The following GATAD2A variants were observed in gnomAD, a reference collection of about 807,000 sequenced individuals.
GATAD2A encodes GATA zinc finger domain containing 2A, also known as transcriptional repressor p66-alpha.
GATAD2A carries 12 observed loss-of-function variants against 68.5 expected under a neutral mutation model. The ratio of observed to expected loss-of-function variants is 0.18; its 90% CI spans 0.11 to 0.28. The LOEUF is 0.28. Ranked by LOEUF, GATAD2A falls within the 10% of genes least tolerant of loss-of-function variation. The probability of loss-of-function intolerance (pLI) is 1.00; values close to 1 mark genes in which losing one functional copy is unlikely to be tolerated. For missense variants in GATAD2A, 755 were observed against 868.5 expected, an observed-to-expected ratio of 0.87 and a Z score of 1.64; for synonymous variants, 410 against 375.3, an observed-to-expected ratio of 1.09 and a Z score of -1.07.
At chr19:19,402,998 C>T (rs756854753), upstream of GATAD2A, among the ~76,000 whole-genome samples, 2 of 151,944 alleles carry the variant, frequency 1.3e-5, no homozygotes, top group Non-Finnish European at 2.9e-5. Context: ...GTCTGGAACT[C>T]CTGACCTCAG....
intron 1 of GATAD2A, among the ~76,000 whole-genome samples, chr19:19,438,900 G>A (rs1481235302): frequency 6.6e-6 from 1 of 152,276 alleles, no homozygotes; most frequent in African/African-American, 2.4e-5. Context: ...TGTTGTGGGT[G>A]TGTAAGACAG....
At chr19:19,490,228 G>T (rs2059697902) in intron 2 of GATAD2A, among the ~76,000 whole-genome samples, 1 of 152,148 alleles carries the variant, frequency 6.6e-6, no homozygotes, top group Non-Finnish European at 1.5e-5. Context: ...CCACCACGTA[G>T]CTGTGGTGGG....
intron 2 of GATAD2A, among the ~76,000 whole-genome samples, chr19:19,491,932 T>G (rs1267817428): frequency 6.6e-6 from 1 of 152,158 alleles, no homozygotes; most frequent in African/African-American, 2.4e-5. Context: ...TGGCTAACAC[T>G]GAGCAGGGCC....
intron 1 of GATAD2A, among the ~76,000 whole-genome samples, chr19:19,454,893 G>A (rs2056785515): frequency 6.6e-6 from 1 of 152,218 alleles, no homozygotes; most frequent in Non-Finnish European, 1.5e-5. Flanking sequence ...GTGTGGTTTT[G>A]TTCAGGAGAA....
At chr19:19,403,383 A>G (rs1482999153), upstream of GATAD2A, among the ~76,000 whole-genome samples, 1 of 152,116 alleles carries the variant, frequency 6.6e-6, no homozygotes, top group Non-Finnish European at 1.5e-5. Flanking sequence ...CCTATGACAG[A>G]CAGAAATAAA....
chr19:19,494,209 G>C, intron 4 of GATAD2A, 85 bp from the exon 5 acceptor site: 1 of 694,744 alleles, frequency 1.4e-6, no homozygotes, highest in Admixed American at 2.4e-5. Flanking sequence ...AGTCCTCTTC[G>C]GCAGCATTAA....
chr19:19,502,157 C>G, intron 10 of GATAD2A, 114 bp downstream of exon 10: 3 of 902,824 alleles, frequency 3.3e-6, no homozygotes, highest in Non-Finnish European at 3.5e-6. Flanking sequence ...TTCTGTTTCA[C>G]TCTCTCCCCT....
At chr19:19,407,303 C>T (rs2050391474) in intron 1 of GATAD2A, among the ~76,000 whole-genome samples, 1 of 152,378 alleles carries the variant, frequency 6.6e-6, no homozygotes, top group East Asian at 1.9e-4. Flanking sequence ...AGTAGTTTGT[C>T]AGACCTGACC....
intron 1 of GATAD2A, chr19:19,435,185 A>G (rs771992024): frequency 9.6e-6 from 5 of 522,216 alleles, no homozygotes; most frequent in South Asian, 7.0e-5. Flanking sequence ...TGAGCATAGT[A>G]CCTGGAACAT....
chr19:19,491,496 G>C (rs186709646), intron 2 of GATAD2A, among the ~76,000 whole-genome samples: 4 of 152,182 alleles, frequency 2.6e-5, no homozygotes, highest in Admixed American at 2.6e-4. Flanking sequence ...TGGGACTTAC[G>C]GAGTGGGCAG....
chr19:19,489,242 C>T (rs974663712), intron 2 of GATAD2A, among the ~76,000 whole-genome samples: 1 of 152,174 alleles, frequency 6.6e-6, no homozygotes, highest in African/African-American at 2.4e-5. Context: ...TGTGGGCTGG[C>T]GCCACACAGG....
intron 1 of GATAD2A, among the ~76,000 whole-genome samples, chr19:19,433,053 G>T (rs936133324): frequency 6.6e-6 from 1 of 152,206 alleles, no homozygotes; most frequent in African/African-American, 2.4e-5. Flanking sequence ...AATTTTAATT[G>T]CTGGGAGAAT....
intron 1 of GATAD2A, among the ~76,000 whole-genome samples, chr19:19,410,203 A>G (rs2050753710): frequency 6.6e-6 from 1 of 152,088 alleles, no homozygotes; most frequent in Admixed American, 6.5e-5. Context: ...GGTTCCTTAT[A>G]TGGAAGGGCT....
intron 1 of GATAD2A, among the ~76,000 whole-genome samples, chr19:19,451,381 T>G (rs2056375428): frequency 6.6e-6 from 1 of 152,086 alleles, no homozygotes; most frequent in Non-Finnish European, 1.5e-5. Flanking sequence ...GGCTGTGAAT[T>G]AGAAGGGGTG....
At chr19:19,464,422 G>A (rs571309779) in intron 1 of GATAD2A, among the ~76,000 whole-genome samples, 2 of 152,332 alleles carry the variant, frequency 1.3e-5, no homozygotes, top group South Asian at 4.1e-4. Flanking sequence ...GCCCCTTTAA[G>A]AGTGCCAGTG....
chr19:19,479,461 G>A (rs190396902), intron 2 of GATAD2A, among the ~76,000 whole-genome samples: 14 of 152,084 alleles, frequency 9.2e-5, no homozygotes, highest in Admixed American at 5.2e-4. Context: ...TTTCCCTTAC[G>A]TTATATTTAA....
intron 1 of GATAD2A, among the ~76,000 whole-genome samples, chr19:19,444,055 A>T (rs1450886601): frequency 1.3e-5 from 2 of 152,114 alleles, no homozygotes; most frequent in Admixed American, 1.3e-4. Flanking sequence ...CAGGTGAGGA[A>T]GCTGAGGCCC....
intron 1 of GATAD2A, among the ~76,000 whole-genome samples, chr19:19,461,662 G>C (rs1432959584): frequency 6.6e-6 from 1 of 152,248 alleles, no homozygotes; most frequent in Non-Finnish European, 1.5e-5. Flanking sequence ...AGTTGAGGAA[G>C]AGCTGGGCTA....
intron 2 of GATAD2A, among the ~76,000 whole-genome samples, chr19:19,488,844 A>T (rs1008806253): frequency 2.6e-4 from 39 of 152,320 alleles, no homozygotes; most frequent in Middle Eastern, 3.4e-3. Context: ...GGACGGGCTT[A>T]TGGGATTTGT....
Sources: gnomAD v4.1 joint callset for allele counts (sites outside exome capture counted in the v4.1 genomes callset) on GRCh38, gnomAD v4.1.1 for gene constraint, MANE v1.5 for transcripts, NCBI Gene and HGNC (gene_info 2026-07-23, HGNC 2026-07-21) for gene names.